The following SAMD8 variants were observed in gnomAD, a reference collection of about 807,000 sequenced individuals.
SAMD8 encodes the protein sterile alpha motif domain containing 8, also known as sphingomyelin synthase-related protein 1.
A neutral mutation model predicts 42.0 loss-of-function variants in SAMD8; 20 were observed. That is an observed-to-expected ratio of 0.48 (90% CI 0.34 to 0.69). The LOEUF is 0.69. SAMD8 is among the 30% of genes least tolerant of loss of function. SAMD8 has a pLI of 0.01. For missense variants in SAMD8, 328 were observed against 511.6 expected (o/e 0.64, Z 3.46); for synonymous variants, 162 against 173.0 (o/e 0.94, Z 0.50).
intron 1 of SAMD8, among the ~76,000 whole-genome samples, chr10:75,130,918 A>G (rs996432329): frequency 6.6e-6 from 1 of 152,224 alleles, no homozygotes; most frequent in Non-Finnish European, 1.5e-5. Flanking sequence ...TGCTCAGAAT[A>G]GTGCCTGAGC....
chr10:75,161,979 A>G (rs1344919143), intron 2 of SAMD8, among the ~76,000 whole-genome samples: 1 of 152,126 alleles, frequency 6.6e-6, no homozygotes, highest in Non-Finnish European at 1.5e-5. Context: ...CAGAAGTGGC[A>G]GTAAGCCAAA....
intron 1 of SAMD8, among the ~76,000 whole-genome samples, chr10:75,126,636 G>C (rs1849145344): frequency 6.6e-6 from 1 of 151,436 alleles, no homozygotes; most frequent in African/African-American, 2.4e-5. Context: ...TGAGGACCTG[G>C]GACTATAGGC....
chr10:75,103,246 AC>A (rs1643794904), intron 1 of SAMD8, among the ~76,000 whole-genome samples: 1 of 152,212 alleles, frequency 6.6e-6, no homozygotes, highest in Non-Finnish European at 1.5e-5. Flanking sequence ...CAACAGCAGG[AC>A]CCAGGTCCGG....
intron 1 of SAMD8, among the ~76,000 whole-genome samples, chr10:75,133,706 C>A (rs1849323481): frequency 1.3e-5 from 2 of 152,100 alleles, no homozygotes; most frequent in African/African-American, 4.8e-5. Flanking sequence ...ATTAGCCAGG[C>A]ACAGAAAGAC....
In SAMD8 at chr10:75,146,272, C is replaced by CTT. The variant is rs202162176; in HGVS notation, c.-15-4215_-15-4214dup. Among the ~76,000 whole-genome samples the CTT allele has an allele frequency of 9.5e-4, 65 of 68,144 alleles. 4 individuals are homozygous for CTT. Among genetic ancestry groups the CTT allele is most frequent in the African/African-American group, 1.9e-3 (27 of 14,428 alleles). The allele number at this position is 68,144 out of a possible 152,430, so 44.7% of individuals were successfully genotyped here. A position where few individuals can be genotyped will look rare whatever the true frequency, so the allele number is the denominator to read the frequency against. ...TTTCCTGATGTCCAGTGTCTTGACA[C>CTT]TTTTTTTTTTTTTTTTTTTTTTTTT... On this transcript the variant is annotated intron_variant, in intron 1 of 5. Coordinates refer to ENST00000542569, the MANE Select transcript of SAMD8 (RefSeq NM_001174156.2).
upstream of SAMD8, among the ~76,000 whole-genome samples, chr10:75,110,513 A>G (rs1216688592): frequency 6.6e-6 from 1 of 152,184 alleles, no homozygotes; most frequent in Admixed American, 6.5e-5. Context: ...AGGGCATCCC[A>G]TGGAAGCAGT....
intron 2 of SAMD8, among the ~76,000 whole-genome samples, chr10:75,157,410 C>A (rs1840436622): frequency 6.6e-6 from 1 of 152,092 alleles, no homozygotes; most frequent in African/African-American, 2.4e-5. Context: ...AGGAATGGTA[C>A]CTTGTGGCTG....
chr10:75,119,832 G>C (rs987513997), intron 1 of SAMD8, among the ~76,000 whole-genome samples: 3 of 152,226 alleles, frequency 2.0e-5, no homozygotes, highest in Non-Finnish European at 4.4e-5. Flanking sequence ...TTGGGAGGCC[G>C]AGGCAGGCGG....
upstream of SAMD8, among the ~76,000 whole-genome samples, chr10:75,110,370 G>C (rs1848736221): frequency 6.6e-6 from 1 of 152,184 alleles, no homozygotes; most frequent in Non-Finnish European, 1.5e-5. Context: ...ATCAGCAAGA[G>C]AGATGAGATG....
At chr10:75,170,647 A>AAAAAGT (rs1013410984) in intron 4 of SAMD8, among the ~76,000 whole-genome samples, 1 of 151,780 alleles carries the variant, frequency 6.6e-6, no homozygotes, top group African/African-American at 2.4e-5. Context: ...TGTATATATT[A>AAAAAGT]AAAAGTAAAA....
intron 1 of SAMD8, among the ~76,000 whole-genome samples, chr10:75,142,074 A>T (rs975607051): frequency 6.6e-6 from 1 of 151,886 alleles, no homozygotes; most frequent in Admixed American, 6.6e-5. Context: ...CAGCCTTCTG[A>T]GTACCTGGGA....
intron 1 of SAMD8, among the ~76,000 whole-genome samples, chr10:75,123,676 G>A (rs1849058218): frequency 6.6e-6 from 1 of 151,978 alleles, no homozygotes; most frequent in Non-Finnish European, 1.5e-5. Flanking sequence ...CTCTTTTTCT[G>A]GTCCTTTGGT....
chr10:75,163,673 C>T (rs1336186598), intron 2 of SAMD8, among the ~76,000 whole-genome samples: 1 of 151,980 alleles, frequency 6.6e-6, no homozygotes, highest in African/African-American at 2.4e-5. Context: ...CTCCTGAACT[C>T]CTGAGTTTAA....
At chr10:75,111,638 C>T (rs1313465587), upstream of SAMD8, 3 of 1,245,832 alleles carry the variant, frequency 2.4e-6, no homozygotes, top group Non-Finnish European at 3.0e-6. Flanking sequence ...TTCACTCCGG[C>T]GAGGCGGGGA....
intron 1 of SAMD8, among the ~76,000 whole-genome samples, chr10:75,147,010 C>T (rs560367075): frequency 6.6e-6 from 1 of 152,296 alleles, no homozygotes; most frequent in Non-Finnish European, 1.5e-5. Flanking sequence ...GCTTTTAGGG[C>T]ATTCCCACAG....
intron 2 of SAMD8, among the ~76,000 whole-genome samples, chr10:75,163,771 C>G (rs1223593019): frequency 6.6e-6 from 1 of 152,084 alleles, no homozygotes; most frequent in Non-Finnish European, 1.5e-5. Flanking sequence ...TTCTCTCCCT[C>G]TCTCTCCTTT....
At chr10:75,102,759 CCTGA>C (rs1848252878) in intron 1 of SAMD8, among the ~76,000 whole-genome samples, 1 of 152,122 alleles carries the variant, frequency 6.6e-6, no homozygotes, top group Non-Finnish European at 1.5e-5. Context: ...TCGAGACCAG[CCTGA>C]CTAACATGGA....
chr10:75,163,371 G>A (rs1328963449), intron 2 of SAMD8, among the ~76,000 whole-genome samples: 2 of 152,058 alleles, frequency 1.3e-5, no homozygotes, highest in Admixed American at 6.6e-5. Context: ...TATTTTGTTC[G>A]TTTCAGTCTC....
chr10:75,159,135 C>T (rs1041098816), intron 2 of SAMD8, among the ~76,000 whole-genome samples: 11 of 148,052 alleles, frequency 7.4e-5, no homozygotes, highest in South Asian at 6.4e-4. Flanking sequence ...CTCAACTCAC[C>T]GCAACCTCCA....
Sources: allele counts gnomAD v4.1 joint callset (sites outside exome capture counted in the v4.1 genomes callset), GRCh38; gene constraint gnomAD v4.1.1; transcripts MANE v1.5; gene names NCBI Gene and HGNC (gene_info 2026-07-23, HGNC 2026-07-21).